UBA52: variants seen among roughly 807,000 people sequenced by gnomAD.
UBA52 encodes the protein ubiquitin-ribosomal protein eL40 fusion protein.
A neutral mutation model predicts 15.3 loss-of-function variants in UBA52; 1 was observed. The observed-to-expected ratio is 0.07, with a 90% CI of 0.02 to 0.31. The LOEUF (loss-of-function observed/expected upper bound fraction) is 0.31. UBA52 is among the 10% of genes least tolerant of loss of function. The pLI, the probability that UBA52 is intolerant of heterozygous loss-of-function variation, is 1.00. For synonymous variants in UBA52, 50 were observed against 58.3 expected, an observed-to-expected ratio of 0.86 and a Z score of 0.65; for missense variants, 87 against 168.0, an observed-to-expected ratio of 0.52 and a Z score of 2.66.
chr19:18,576,975 AT>A lies in UBA52; in HGVS notation c.*1848del, dbSNP rs773902580. ...AAGCCACAGCGCCTGGCCTTGCTAC[AT>A]TTTTTTTTTTTTTTTTTTTTTTACA... On this transcript the variant is annotated 3_prime_UTR_variant, in exon 5 of 5. Coordinates refer to ENST00000442744, the MANE Select transcript of UBA52 (RefSeq NM_001033930.3). 0.016 allele frequency: 1,827 copies of A among 113,018 alleles called. 40 individuals carry two copies. The highest frequency in any genetic ancestry group is 0.053 in the African/African-American group (1,602 of 30,044). The allele number at this position is 113,018 out of a possible 1,614,324, so 7.0% of individuals were successfully genotyped here. A position where few individuals can be genotyped will look rare whatever the true frequency, so the allele number is the denominator to read the frequency against.
intron 3 of UBA52, 113 bp from the exon 4 acceptor site, chr19:18,574,757 T>C: frequency 7.7e-7 from 1 of 1,306,526 alleles, no homozygotes; most frequent in Non-Finnish European, 1.0e-6. Flanking sequence ...CCCGACTTGG[T>C]GTCCCCATCA....
chr19:18,572,870 G>T, intron 1 of UBA52: 1 of 1,034,978 alleles, frequency 9.7e-7, no homozygotes, highest in East Asian at 8.6e-5. Flanking sequence ...GCTGGCAGCA[G>T]GAGCAGCCTG....
upstream of UBA52, among the ~76,000 whole-genome samples, chr19:18,569,772 G>T (rs1975417848): frequency 6.6e-6 from 1 of 151,822 alleles, no homozygotes; most frequent in Non-Finnish European, 1.5e-5. Flanking sequence ...GGTGGCTCAT[G>T]CCTGTAATCC....
At chr19:18,565,023 T>TGG in the UBA52 span, 1 of 1,582,528 alleles carries the variant, frequency 6.3e-7, no homozygotes, top group African/African-American at 1.5e-5. Flanking sequence ...CCGTATCAGG[T>TGG]GGGTGCTCAG....
upstream of UBA52, chr19:18,567,161 A>T (rs1975284423): frequency 3.1e-6 from 5 of 1,614,122 alleles, no homozygotes; most frequent in Non-Finnish European, 4.2e-6. Context: ...GCCAGGCAGC[A>T]CCCAGAGGCC....
the UBA52 span, chr19:18,564,951 C>T: frequency 4.3e-6 from 7 of 1,613,014 alleles, no homozygotes; most frequent in South Asian, 1.1e-5. Context: ...GATGAGCGAA[C>T]GCTTCCTGCA....
chr19:18,566,540 C>G, the UBA52 span, among the ~76,000 whole-genome samples: 1 of 152,052 alleles, frequency 6.6e-6, no homozygotes, highest in Non-Finnish European at 1.5e-5. Flanking sequence ...CCTGTAATCC[C>G]AGCAGTTAGG....
At chr19:18,571,303 T>TC (rs1315097401), upstream of UBA52, among the ~76,000 whole-genome samples, 3 of 95,524 alleles carry the variant, frequency 3.1e-5, no homozygotes, top group African/African-American at 4.5e-5. Context: ...AGAGCGAAAC[T>TC]CCGTCTCAAA....
At chr19:18,573,515 C>T in intron 2 of UBA52, 112 bp downstream of exon 2, 1 of 1,292,338 alleles carries the variant, frequency 7.7e-7, no homozygotes, top group South Asian at 1.3e-5. Context: ...TTTGCCCTTG[C>T]TTCTCCATGT....
upstream of UBA52, chr19:18,571,840 G>A (rs1853893970): frequency 6.6e-6 from 1 of 152,512 alleles, no homozygotes; most frequent in Non-Finnish European, 1.5e-5. Flanking sequence ...CGATTAGGTG[G>A]TTTCCGGTTC....
At chr19:18,574,736 A>G (rs1336965590) in intron 3 of UBA52, 134 bp from the exon 4 acceptor site, 1 of 1,135,008 alleles carries the variant, frequency 8.8e-7, no homozygotes, top group Non-Finnish European at 1.2e-6. Flanking sequence ...CACGTAGAAC[A>G]CTCGGGGGAT....
chr19:18,567,677 C>G (rs1324784692), upstream of UBA52, among the ~76,000 whole-genome samples: 2 of 152,212 alleles, frequency 1.3e-5, no homozygotes, highest in African/African-American at 2.4e-5. Flanking sequence ...CGCGTGTTCT[C>G]TGGGGTACCA....
At chr19:18,563,995 T>C in the UBA52 span, among the ~76,000 whole-genome samples, 1 of 151,864 alleles carries the variant, frequency 6.6e-6, no homozygotes, top group Non-Finnish European at 1.5e-5. Flanking sequence ...CAAATGATTC[T>C]CCTGCCTCAG....
upstream of UBA52, among the ~76,000 whole-genome samples, chr19:18,570,138 G>T (rs976979670): frequency 2.0e-5 from 3 of 152,082 alleles, no homozygotes; most frequent in African/African-American, 4.8e-5. Context: ...AAATAAACAG[G>T]TACCCCTGTT....
chr19:18,567,422 A>C (rs1009786828), upstream of UBA52: 1 of 672,488 alleles, frequency 1.5e-6, no homozygotes, highest in African/African-American at 1.8e-5. Flanking sequence ...GTGGATAAGC[A>C]GCATGACAAT....
At chr19:18,565,829 A>G in the UBA52 span, among the ~76,000 whole-genome samples, 4 of 152,154 alleles carry the variant, frequency 2.6e-5, no homozygotes, top group African/African-American at 9.6e-5. Context: ...CTGGGACTAC[A>G]GGCGCATGCT....
upstream of UBA52, chr19:18,568,265 CA>C (rs397859705): frequency 0.25 from 120,421 of 483,936 alleles, 103 homozygotes; most frequent in South Asian, 0.26. Flanking sequence ...AACTCCGTCT[CA>C]AAAAAAAAAA....
At chr19:18,573,553 C>T in intron 2 of UBA52, 109 bp from the exon 3 acceptor site, 7 of 1,341,344 alleles carry the variant, frequency 5.2e-6, no homozygotes, top group African/African-American at 1.4e-5. Flanking sequence ...TTATCTTCTA[C>T]CTCAGTTGGC....
At chr19:18,573,558 G>A in intron 2 of UBA52, 104 bp from the exon 3 acceptor site, 1 of 1,377,426 alleles carries the variant, frequency 7.3e-7, no homozygotes, top group Non-Finnish European at 1.0e-6. Context: ...TTCTACCTCA[G>A]TTGGCCTTTT....
Sources: gnomAD v4.1 joint callset for allele counts (sites outside exome capture counted in the v4.1 genomes callset) on GRCh38, gnomAD v4.1.1 for gene constraint, MANE v1.5 for transcripts, NCBI Gene and HGNC (gene_info 2026-07-23, HGNC 2026-07-21) for gene names.